NUP93: variants seen among roughly 807,000 people sequenced by gnomAD.
NUP93 encodes nuclear pore complex protein Nup93.
NUP93 carries 55 observed loss-of-function variants against 107.8 expected under a neutral mutation model. That is an observed-to-expected ratio of 0.51 (90% confidence interval 0.41 to 0.64). NUP93 has a LOEUF of 0.64. Among genes scored for constraint, NUP93 ranks in the 30% least tolerant of loss-of-function variants. The pLI, the probability that NUP93 is intolerant of heterozygous loss-of-function variation, is 0.00. For synonymous variants in NUP93, 390 were observed against 397.5 expected, an observed-to-expected ratio of 0.98 and a Z score of 0.22; for missense variants, 937 against 1,044.7, an observed-to-expected ratio of 0.90 and a Z score of 1.42.
intron 3 of NUP93, among the ~76,000 whole-genome samples, chr16:56,769,397 C>G (rs1351352633): frequency 6.6e-6 from 1 of 152,106 alleles, no homozygotes; most frequent in Non-Finnish European, 1.5e-5. Flanking sequence ...TTTCTCAACC[C>G]TGATGTGAAC....
chr16:56,789,752 T>C (rs1962712076), intron 3 of NUP93, among the ~76,000 whole-genome samples: 1 of 152,248 alleles, frequency 6.6e-6, no homozygotes. Flanking sequence ...ATTTTTGAAG[T>C]TATATATGCA....
At position 56,769,746 on chromosome 16, in the gene NUP93, T is replaced by C. The variant is rs149628143; in HGVS notation, c.297+11091T>C. ...AGCTGAACTTGAGTTAGAAGCATGATGCTAGAAGCAATTTAAAGGGCACAT... is the reference window on the plus strand; with the variant it reads ...AGCTGAACTTGAGTTAGAAGCATGACGCTAGAAGCAATTTAAAGGGCACAT... On this transcript the variant is annotated intron_variant, in intron 3 of 21. Transcript: ENST00000308159. Among the ~76,000 whole-genome samples the C allele has an allele frequency of 2.6e-3, 389 of 152,342 alleles. 2 individuals are homozygous for C. The highest frequency in any genetic ancestry group is 8.7e-3 in the African/African-American group (363 of 41,574).
In NUP93 at chr16:56,834,834, AT is replaced by A; in HGVS notation, c.1782+57del. ...CGTTAGCCATTGGGGATTTATAAAT[AT>A]CAAAAAATACACTTAGATTTTAAGA... On this transcript the variant is annotated intron_variant, in intron 16 of 21. Transcript: ENST00000308159. 7.6e-6 allele frequency: 10 copies of A among 1,321,000 alleles called. 1 individual carries two copies. The South Asian group carries it at 1.1e-4, about 15-fold the overall frequency. 81.8% of individuals were successfully genotyped at this position (1,321,000 alleles called of 1,614,324 possible).
At chr16:56,830,739 A>G in intron 10 of NUP93, 54 bp downstream of exon 10, 1 of 1,405,318 alleles carries the variant, frequency 7.1e-7, no homozygotes, top group Non-Finnish European at 9.5e-7. Flanking sequence ...TCAAAGGGGC[A>G]TCCTTCACTG....
At chr16:56,746,487 G>A (rs558587711) in intron 1 of NUP93, among the ~76,000 whole-genome samples, 2 of 152,178 alleles carry the variant, frequency 1.3e-5, no homozygotes, top group Non-Finnish European at 2.9e-5. Context: ...TATTGTGTAC[G>A]TGAATTTTTG....
Position 56,767,212 on chromosome 16 carries a change from T to G in NUP93, c.297+8557T>G, listed in dbSNP as rs951982806. 4.6e-5 allele frequency among the ~76,000 whole-genome samples: 7 copies of G among 152,230 alleles called. No homozygotes were observed. In the South Asian group the frequency reaches 6.2e-4, roughly 14 times the overall value. On this transcript the variant is annotated intron_variant, in intron 3 of 21. Transcript: ENST00000308159. ...AGAAGGGCCAGTCCTTGCCTCTCAC[T>G]GTGGAGTGGCTGTGAGGCTGAGATG...
At chr16:56,757,573 C>T (rs1434663931) in intron 2 of NUP93, among the ~76,000 whole-genome samples, 1 of 152,180 alleles carries the variant, frequency 6.6e-6, no homozygotes, top group South Asian at 2.1e-4. Flanking sequence ...ATTAGTGCAA[C>T]CTTTTCTTTA....
At chr16:56,795,125 A>C (rs543134904) in intron 3 of NUP93, among the ~76,000 whole-genome samples, 1 of 151,234 alleles carries the variant, frequency 6.6e-6, no homozygotes, top group African/African-American at 2.4e-5. Flanking sequence ...CCTCTCCCCC[A>C]CTACCCCCAA....
intron 3 of NUP93, among the ~76,000 whole-genome samples, chr16:56,759,962 C>G (rs1249995718): frequency 6.6e-6 from 1 of 152,108 alleles, no homozygotes; most frequent in Non-Finnish European, 1.5e-5. Flanking sequence ...TTGTGATGCA[C>G]TTCATGCATT....
intron 1 of NUP93, among the ~76,000 whole-genome samples, chr16:56,746,608 T>A (rs757098879): frequency 2.3e-4 from 35 of 152,286 alleles, no homozygotes; most frequent in Non-Finnish European, 4.8e-4. Context: ...GTTAATGTCC[T>A]TTAATGCTCA....
rs771793516 is a variant in NUP93, at chr16:56,833,167, C to T, written c.1346-48C>T. ...CCTGGGGGTTGGGCCACCAGTGAGC[C>T]CCTTCTTTCTAAGTTGGTTTTATCT... On this transcript the variant is annotated intron_variant, in intron 12 of 21. Coordinates refer to ENST00000308159, the MANE Select transcript of NUP93 (RefSeq NM_014669.5). The T allele has an allele frequency of 3.3e-6, 5 of 1,531,316 alleles. No homozygotes were observed. In the South Asian group the frequency reaches 6.2e-5, roughly 19 times the overall value. The allele number at this position is 1,531,316 out of a possible 1,614,324, so 94.9% of individuals were successfully genotyped here. A position where few individuals can be genotyped will look rare whatever the true frequency, so the allele number is the denominator to read the frequency against.
chr16:56,836,407 G>A (rs1963912038), intron 16 of NUP93, among the ~76,000 whole-genome samples, 194 bp from the exon 17 acceptor site: 1 of 152,060 alleles, frequency 6.6e-6, no homozygotes, highest in Admixed American at 6.6e-5. Context: ...AGTTTCCTTG[G>A]TCTCTTTTAT....
rs1963919539 is a variant in NUP93 at position 56,836,707 on chromosome 16, A to T, written c.1889A>T (p.Asp630Val). The T allele has an allele frequency of 6.2e-7, 1 of 1,610,964 alleles. No homozygotes were observed. Among genetic ancestry groups the T allele is most frequent in the African/African-American group, 1.3e-5 (1 of 74,844 alleles). ...GLFEEAAKLY[D>V]LAKNADKVLE... The stretch of plus-strand genomic sequence containing the variant: ...TTTGAAGAGGCAGCAAAGCTGTATG[A>T]CCTTGCCAAGGTAAAGTGTGCCCAC... Residue 630 changes from aspartate (D) to valine (V), a missense_variant, in exon 17 of 22, where the codon GAC becomes GTC. By Grantham distance (152) the Asp-to-Val change is radical. Transcript: ENST00000308159.
At chr16:56,743,980 A>G (rs759538390) in intron 1 of NUP93, among the ~76,000 whole-genome samples, 7 of 152,122 alleles carry the variant, frequency 4.6e-5, no homozygotes, top group Non-Finnish European at 1.0e-4. Context: ...AAGATTCCCA[A>G]TCACGCTCAA....
intron 18 of NUP93, 90 bp from the exon 19 acceptor site, chr16:56,838,862 A>G (rs1454825636): frequency 1.3e-5 from 11 of 876,676 alleles, no homozygotes; most frequent in Non-Finnish European, 1.9e-5. Flanking sequence ...ACCACACCCC[A>G]CTGTTTTTTT....
In NUP93 at chr16:56,844,637, G is replaced by A. The variant is rs16962807; in HGVS notation, c.*28G>A. On this transcript the variant is annotated 3_prime_UTR_variant, in exon 22 of 22. Transcript: ENST00000308159. ...GCCATGCTTTGTGGGAGTCTGGGTC[G>A]GCACACTGTCAGTACATCAGGCACA... 1.7e-3 allele frequency: 2,567 copies of A among 1,496,980 alleles called. 33 individuals are homozygous for A. The African/African-American group carries it at 0.03, about 17-fold the overall frequency. The allele number at this position is 1,496,980 out of a possible 1,614,324, so 92.7% of individuals were successfully genotyped here.
At chr16:56,741,501 C>T (rs1013961685) in intron 1 of NUP93, among the ~76,000 whole-genome samples, 1 of 152,164 alleles carries the variant, frequency 6.6e-6, no homozygotes. Flanking sequence ...ACAGTGTAAT[C>T]TTCTCACCCA....
chr16:56,831,829 C>G lies in NUP93; in HGVS notation c.1086-13C>G. ...GAGTATGTATCTATCTGTCTGTTCC[C>G]TTATGTCTGTAGATTGTCCCCAGCT... On this transcript the variant is annotated splice_polypyrimidine_tract_variant and intron_variant, in intron 10 of 21. Transcript: ENST00000308159. The G allele has an allele frequency of 6.2e-7, 1 of 1,613,168 alleles. No homozygotes were observed. Among genetic ancestry groups the G allele is most frequent in the South Asian group, 1.1e-5 (1 of 90,908 alleles).
At position 56,846,925 on chromosome 16, in the gene NUP93, T is replaced by TGG. The variant is rs2144660023; in HGVS notation, c.*2316_*2317insGG. ...CTTTCCTTGCATCCTGCAGTTCTAC[T>TGG]TGTCTCAGAGAGAACTGCACACCAG... On this transcript the variant is annotated 3_prime_UTR_variant, in exon 22 of 22. Transcript: ENST00000308159. The TGG allele has an allele frequency of 6.6e-6, 1 of 152,360 alleles. No individual in the cohort carries two copies. Among genetic ancestry groups the TGG allele is most frequent in the East Asian group, 1.9e-4 (1 of 5,184 alleles). 9.4% of individuals were successfully genotyped at this position (152,360 alleles called of 1,614,324 possible).
Sources: gnomAD v4.1 joint callset for allele counts (sites outside exome capture counted in the v4.1 genomes callset) on GRCh38, gnomAD v4.1.1 for gene constraint, MANE v1.5 for transcripts, NCBI Gene and HGNC (gene_info 2026-07-23, HGNC 2026-07-21) for gene names.